Variants in CNTN4 observed in about 807,000 individuals in gnomAD.
CNTN4 encodes the protein contactin 4, also known as contactin-4.
CNTN4 carries 77 observed loss-of-function variants against 122.5 expected under a neutral mutation model. That is an observed-to-expected ratio of 0.63 (90% CI 0.52 to 0.76). The LOEUF is 0.76. Among genes scored for constraint, CNTN4 ranks in the 30% least tolerant of loss-of-function variants. CNTN4 has a pLI of 0.00. For synonymous variants in CNTN4, 512 were observed against 447.0 expected, an observed-to-expected ratio of 1.15 and a Z score of -1.83; for missense variants, 1,256 against 1,259.1, an observed-to-expected ratio of 1.00 and a Z score of 0.04.
chr3:2,758,439 C>T (rs1158048903), intron 6 of CNTN4, among the ~76,000 whole-genome samples: 1 of 151,034 alleles, frequency 6.6e-6, no homozygotes, highest in African/African-American at 2.4e-5. Flanking sequence ...AATAAAGGTG[C>T]ATATTCCATA....
At chr3:2,571,173 T>C (rs970308344) in intron 3 of CNTN4, among the ~76,000 whole-genome samples, 1 of 152,170 alleles carries the variant, frequency 6.6e-6, no homozygotes, top group African/African-American at 2.4e-5. Flanking sequence ...TCAGAAACTG[T>C]TCTTGTCTTC....
chr3:2,885,027 C>T (rs982575781), intron 9 of CNTN4, among the ~76,000 whole-genome samples: 5 of 152,174 alleles, frequency 3.3e-5, no homozygotes, highest in Non-Finnish European at 5.9e-5. Context: ...TAGACCTTTT[C>T]TGCATTTTGA....
At chr3:2,157,498 AAAAT>A (rs1166537236) in intron 2 of CNTN4, among the ~76,000 whole-genome samples, 1 of 152,192 alleles carries the variant, frequency 6.6e-6, no homozygotes, top group Non-Finnish European at 1.5e-5. Context: ...CTGTTAAAGG[AAAAT>A]AAAAGTGAAA....
At chr3:2,766,215 A>G (rs1274930187) in intron 6 of CNTN4, among the ~76,000 whole-genome samples, 1 of 152,082 alleles carries the variant, frequency 6.6e-6, no homozygotes, top group African/African-American at 2.4e-5. Flanking sequence ...GATTTCCTTC[A>G]CCTTTCTCCT....
intron 3 of CNTN4, among the ~76,000 whole-genome samples, chr3:2,425,357 G>T (rs2047783467): frequency 6.6e-6 from 1 of 151,858 alleles, no homozygotes; most frequent in Non-Finnish European, 1.5e-5. Flanking sequence ...TTTTTGTCAG[G>T]TTTGTCAAAG....
chr3:2,970,849 G>T (rs113661387), intron 13 of CNTN4, among the ~76,000 whole-genome samples: 1 of 151,724 alleles, frequency 6.6e-6, no homozygotes, highest in East Asian at 1.9e-4. Context: ...GTGCAGTGGC[G>T]TGATCCCAGC....
At chr3:2,819,639 A>G (rs985504484) in intron 7 of CNTN4, 58 bp downstream of exon 7, 40 of 1,242,338 alleles carry the variant, frequency 3.2e-5, no homozygotes, top group African/African-American at 1.8e-4. Context: ...TTCTTCCTCA[A>G]TGTTCTCCCT....
At chr3:2,858,333 C>T (rs1270344132) in intron 7 of CNTN4, among the ~76,000 whole-genome samples, 1 of 152,208 alleles carries the variant, frequency 6.6e-6, no homozygotes, top group East Asian at 1.9e-4. Context: ...GTGATGCTTA[C>T]TCAAATTTGA....
intron 2 of CNTN4, among the ~76,000 whole-genome samples, chr3:2,164,078 C>G: frequency 6.6e-6 from 1 of 152,026 alleles, no homozygotes; most frequent in East Asian, 1.9e-4. Flanking sequence ...ACAATGTACA[C>G]TGCTTGGGTG....
At chr3:3,027,618 A>T (rs1698841755) in intron 15 of CNTN4, among the ~76,000 whole-genome samples, 1 of 152,222 alleles carries the variant, frequency 6.6e-6, no homozygotes, top group South Asian at 2.1e-4. Context: ...TAATAACAGG[A>T]AAGTGTAAAT....
At chr3:2,789,925 G>C (rs1350346900) in intron 6 of CNTN4, among the ~76,000 whole-genome samples, 1 of 152,172 alleles carries the variant, frequency 6.6e-6, no homozygotes, top group Non-Finnish European at 1.5e-5. Context: ...TGCTTATGGT[G>C]TTTAGCCATT....
intron 3 of CNTN4, among the ~76,000 whole-genome samples, chr3:2,473,223 C>G (rs971748650): frequency 7.1e-5 from 8 of 113,002 alleles, no homozygotes; most frequent in African/African-American, 2.9e-4. Context: ...AAGAGCAAAA[C>G]TCCATCTCAA....
At chr3:2,617,327 G>T (rs2081798977) in intron 4 of CNTN4, among the ~76,000 whole-genome samples, 1 of 151,234 alleles carries the variant, frequency 6.6e-6, no homozygotes, top group African/African-American at 2.4e-5. Context: ...AGTGAGCAAA[G>T]GATATGAACA....
chr3:2,109,691 C>A (rs2032793160), intron 2 of CNTN4, among the ~76,000 whole-genome samples: 4 of 152,114 alleles, frequency 2.6e-5, no homozygotes, highest in Admixed American at 1.3e-4. Flanking sequence ...GGCACATTGT[C>A]ATCATTTTAA....
chr3:2,660,366 G>A lies in CNTN4; in HGVS notation c.56-75849G>A, dbSNP rs143002383. On this transcript the variant is annotated intron_variant, in intron 4 of 24. Coordinates refer to ENST00000418658, the MANE Select transcript of CNTN4 (RefSeq NM_175607.3). ...CTGTTATATCAACCAAGTATTTCAT[G>A]TGTGAGGAGATAAAGCAGCAAACTA... 2.7e-3 allele frequency among the ~76,000 whole-genome samples: 407 copies of A among 152,318 alleles called. 1 individual carries two copies. The highest frequency in any genetic ancestry group is 8.9e-3 in the East Asian group (46 of 5,186).
At chr3:2,383,670 T>G (rs1209551568) in intron 3 of CNTN4, among the ~76,000 whole-genome samples, 2 of 147,622 alleles carry the variant, frequency 1.4e-5, no homozygotes, top group Non-Finnish European at 3.0e-5. Context: ...CATTTCCCTT[T>G]GCCTCCCTTC....
intron 2 of CNTN4, among the ~76,000 whole-genome samples, chr3:2,336,496 C>G (rs955124750): frequency 1.3e-5 from 2 of 152,112 alleles, no homozygotes; most frequent in African/African-American, 4.8e-5. Context: ...ACTTATTTGT[C>G]TGCCTCATTT....
At chr3:2,432,358 T>C (rs946749187) in intron 3 of CNTN4, among the ~76,000 whole-genome samples, 17 of 152,210 alleles carry the variant, frequency 1.1e-4, no homozygotes, top group Admixed American at 1.1e-3. Context: ...GTGTATTCTG[T>C]TGGAAGAAAC....
At position 2,471,524 on chromosome 3, in the gene CNTN4, G is replaced by A. The variant is rs143605755; in HGVS notation, c.-88-99892G>A. Among the ~76,000 whole-genome samples, 191 of 152,038 alleles carry A rather than the reference G, an allele frequency of 1.3e-3. 1 individual carries two copies. Among genetic ancestry groups the A allele is most frequent in the Middle Eastern group, 0.01 (3 of 292 alleles). On this transcript the variant is annotated intron_variant, in intron 3 of 24. Coordinates refer to ENST00000418658, the MANE Select transcript of CNTN4 (RefSeq NM_175607.3). ...GCATCTGTGTTTTCTCTTTTTAATG[G>A]GGAAAAATTATTATTTCCCTTCCGA...
Sources: allele counts gnomAD v4.1 joint callset (sites outside exome capture counted in the v4.1 genomes callset), GRCh38; gene constraint gnomAD v4.1.1; transcripts MANE v1.5; gene names NCBI Gene and HGNC (gene_info 2026-07-23, HGNC 2026-07-21).